The following PPP6R2 variants were observed in gnomAD, a reference collection of about 807,000 sequenced individuals.
The protein encoded by PPP6R2 is protein phosphatase 6 regulatory subunit 2, also known as serine/threonine-protein phosphatase 6 regulatory subunit 2.
A neutral mutation model predicts 100.2 loss-of-function variants in PPP6R2; 62 were observed. The ratio of observed to expected loss-of-function variants is 0.62; its 90% CI spans 0.50 to 0.76. The LOEUF (loss-of-function observed/expected upper bound fraction) is 0.76. Ranked by LOEUF, PPP6R2 falls within the 30% of genes least tolerant of loss-of-function variation. PPP6R2 has a pLI of 0.00. For missense variants in PPP6R2, 1,142 were observed against 1,276.3 expected, an observed-to-expected ratio of 0.89 and a Z score of 1.60; for synonymous variants, 525 against 514.7, an observed-to-expected ratio of 1.02 and a Z score of -0.27.
Position 50,423,366 on chromosome 22 carries a change from G to A in PPP6R2, c.973-96G>A, listed in dbSNP as rs949860773. On this transcript the variant is annotated intron_variant, in intron 9 of 23. Transcript: ENST00000612753. This position sits in a 1 kb window ranked among gnomAD's most constrained non-coding sequence, Gnocchi z 4.8. ...CCACATACCTCGCTACCCCAGGCTG[G>A]GTCCCAGCCTAGAGTGATGGGCATG... 2.0e-6 allele frequency: 3 copies of A among 1,499,334 alleles called. No homozygotes were observed. Among genetic ancestry groups the A allele is most frequent in the Non-Finnish European group, 1.8e-6 (2 of 1,097,868 alleles). The allele number at this position is 1,499,334 out of a possible 1,614,324, so 92.9% of individuals were successfully genotyped here. A position where few individuals can be genotyped will look rare whatever the true frequency, so the allele number is the denominator to read the frequency against.
At chr22:50,443,527 C>T (rs374921606) in intron 22 of PPP6R2, 49 of 281,946 alleles carry the variant, frequency 1.7e-4, no homozygotes, top group African/African-American at 8.1e-4. Context: ...TTTCCCCAGA[C>T]TGTGTCCAGT....
rs762678639 is a variant in PPP6R2, at chr22:50,354,868, CTT to C, written c.-148+11335_-148+11336del. 6.4e-3 allele frequency among the ~76,000 whole-genome samples: 805 copies of C among 126,300 alleles called. 7 individuals are homozygous for C. The highest frequency in any genetic ancestry group is 0.021 in the African/African-American group (705 of 33,964). 82.9% of individuals were successfully genotyped at this position (126,300 alleles called of 152,430 possible). ...TAAAAGCTGCTGCACCTGGATCAGC[CTT>C]TTTTTTTTTTTTTTTTGAGACAGTC... On this transcript the variant is annotated intron_variant, in intron 1 of 23. Transcript: ENST00000612753.
chr22:50,341,947 C>T (rs1254621605), upstream of PPP6R2, among the ~76,000 whole-genome samples: 3 of 151,640 alleles, frequency 2.0e-5, no homozygotes, highest in African/African-American at 7.3e-5. Flanking sequence ...GAGCCGAGAT[C>T]GCGCCACTGC....
At position 50,440,979 on chromosome 22, in the gene PPP6R2, G is replaced by T; in HGVS notation, c.2532G>T (p.Glu844Asp). The part of the protein sequence containing the change: ...MDAVSRGPGR[E>D]APPLPTVART... Reference sequence around the variant, plus strand: ...CGGTGAGCAGGGGTCCCGGCCGGGAGGCCCCCCCGCTGCCCACAGTGGCCA... The same window carrying T: ...CGGTGAGCAGGGGTCCCGGCCGGGATGCCCCCCCGCTGCCCACAGTGGCCA... Residue 844 changes from glutamate to aspartate, a missense_variant, in exon 22 of 24, where the codon GAG becomes GAT. Around this residue, in one of 2 missense-constraint regions of PPP6R2, gnomAD observed 550 missense variants for 517.4 expected, o/e 1.06. Coordinates refer to ENST00000612753, the MANE Select transcript of PPP6R2 (RefSeq NM_001242898.2). The T allele has an allele frequency of 6.2e-7, 1 of 1,611,238 alleles. No homozygotes were observed. The highest frequency in any genetic ancestry group is 8.5e-7 in the Non-Finnish European group (1 of 1,178,718).
chr22:50,442,550 ATT>A (rs1556399527), intron 22 of PPP6R2, among the ~76,000 whole-genome samples: 1 of 91,546 alleles, frequency 1.1e-5, no homozygotes, highest in Non-Finnish European at 2.5e-5. Flanking sequence ...AGTCACTGAA[ATT>A]TTTGTTTGTT....
intron 12 of PPP6R2, 119 bp downstream of exon 12, chr22:50,432,448 T>C (rs1333671696): frequency 1.0e-6 from 1 of 960,244 alleles, no homozygotes; most frequent in Non-Finnish European, 1.6e-6. Flanking sequence ...GAGTGTAGGG[T>C]GTGCGACGTG....
At chr22:50,433,235 C>T (rs540809371) in intron 12 of PPP6R2, among the ~76,000 whole-genome samples, 77 of 107,040 alleles carry the variant, frequency 7.2e-4, no homozygotes, top group East Asian at 6.3e-3. Flanking sequence ...GCAGGGGGCG[C>T]GGACGCTGGG....
rs1375682984 is a variant in PPP6R2 at position 50,437,985 on chromosome 22, T to C, written c.1839+85T>C. 15 of 1,542,100 alleles carry C rather than the reference T, an allele frequency of 9.7e-6. No homozygotes were observed. The East Asian group carries it at 1.4e-4, about 14-fold the overall frequency. Reference sequence around the variant, plus strand: ...CCCATGGCTCGGTCTGTCATGGGCCTGTGCGGTGGGGCTGGGAGAGGCCCC... The same window carrying C: ...CCCATGGCTCGGTCTGTCATGGGCCCGTGCGGTGGGGCTGGGAGAGGCCCC... On this transcript the variant is annotated intron_variant, in intron 17 of 23. Transcript: ENST00000612753.
chr22:50,382,242 A>G (rs78225146), intron 2 of PPP6R2, among the ~76,000 whole-genome samples: 3,309 of 152,300 alleles, frequency 0.022, 71 homozygotes, highest in South Asian at 0.11. Context: ...ATCCAAAGCT[A>G]TAATACAGTC....
At chr22:50,399,311 G>A (rs1454458719) in intron 3 of PPP6R2, among the ~76,000 whole-genome samples, 2 of 152,230 alleles carry the variant, frequency 1.3e-5, no homozygotes, top group Non-Finnish European at 2.9e-5. Flanking sequence ...CAGGTTGTAA[G>A]GTCTCTGTTG....
Position 50,437,596 on chromosome 22 carries a change from A to C in PPP6R2, c.1774A>C (p.Asn592His). ...TGAGGAGTTTGCCGACCAGGACGAC[A>C]ACATCAAGTGAGTCTACTTGGAGCG... is the stretch of plus-strand genomic sequence containing the variant. ...NDEEFADQDD[N>H]INAPFDRIAE... Residue 592 changes from asparagine to histidine, a missense_variant, in exon 16 of 24, where the codon AAC becomes CAC. Asn to His is a moderately conservative substitution (Grantham distance 68, BLOSUM62 1). Transcript: ENST00000612753. 1 of 1,607,638 alleles carries C rather than the reference A, an allele frequency of 6.2e-7. No individual in the cohort carries two copies. Among genetic ancestry groups the C allele is most frequent in the Non-Finnish European group, 8.5e-7 (1 of 1,174,344 alleles).
intron 1 of PPP6R2, among the ~76,000 whole-genome samples, chr22:50,354,890 A>G (rs539336201): frequency 0.011 from 1,055 of 99,770 alleles, 14 homozygotes; most frequent in African/African-American, 0.034. Flanking sequence ...TTTTTTTGAG[A>G]CAGTCTCATT....
chr22:50,442,588 T>C (rs929297845), intron 22 of PPP6R2, among the ~76,000 whole-genome samples: 10 of 152,154 alleles, frequency 6.6e-5, no homozygotes, highest in East Asian at 2.0e-4. Context: ...CTTGCTCTGT[T>C]GCCCAGGCTG....
At chr22:50,413,328 C>G (rs1247209266) in intron 4 of PPP6R2, among the ~76,000 whole-genome samples, 1 of 152,034 alleles carries the variant, frequency 6.6e-6, no homozygotes, top group Non-Finnish European at 1.5e-5. Flanking sequence ...AAAATTGTTT[C>G]TATTAATTTC....
chr22:50,421,327 C>G (rs139179711), intron 8 of PPP6R2, among the ~76,000 whole-genome samples: 1 of 152,228 alleles, frequency 6.6e-6, no homozygotes, highest in African/African-American at 2.4e-5. Context: ...AGCTGTTTCT[C>G]TTAGATTATT....
intron 2 of PPP6R2, among the ~76,000 whole-genome samples, chr22:50,392,894 T>A (rs2055935393): frequency 6.6e-6 from 1 of 152,230 alleles, no homozygotes; most frequent in African/African-American, 2.4e-5. Flanking sequence ...GGTCAGCCTT[T>A]TGTTTTTCTA....
chr22:50,338,539 TG>T, upstream of PPP6R2, among the ~76,000 whole-genome samples: 4 of 131,910 alleles, frequency 3.0e-5, no homozygotes, highest in African/African-American at 1.3e-4. Flanking sequence ...GTGTGTAGGG[TG>T]TGTGGTGTGT....
At chr22:50,402,022 G>A (rs1206319930) in intron 3 of PPP6R2, among the ~76,000 whole-genome samples, 2 of 152,130 alleles carry the variant, frequency 1.3e-5, no homozygotes, top group Non-Finnish European at 2.9e-5. Context: ...CAGTCTTAAT[G>A]TGTCATCTCT....
Position 50,416,184 on chromosome 22 carries a change from T to G in PPP6R2, c.618+27T>G, listed in dbSNP as rs202159048. On this transcript the variant is annotated intron_variant, in intron 6 of 23. Transcript: ENST00000612753. ...TGAGTGTGCTGCTTACCGAGCTTCG[T>G]GCATCAGTCCAGGCCTGTGCTGCCA... The G allele has an allele frequency of 2.5e-6, 4 of 1,602,942 alleles. No individual in the cohort carries two copies. In the South Asian group the frequency reaches 3.3e-5, roughly 13 times the overall value.
Sources: allele counts gnomAD v4.1 joint callset (sites outside exome capture counted in the v4.1 genomes callset), GRCh38; gene constraint gnomAD v4.1.1; regional missense constraint gnomAD v4.1.1; non-coding constraint Gnocchi (gnomAD v3.1); transcripts MANE v1.5; gene names NCBI Gene and HGNC (gene_info 2026-07-23, HGNC 2026-07-21).